RNF144A: variants seen among roughly 807,000 people sequenced by gnomAD.
RNF144A encodes E3 ubiquitin-protein ligase RNF144A.
In RNF144A, 11 loss-of-function variants were observed where a neutral mutation model predicts 38.7. The observed-to-expected ratio is 0.28, with a 90% CI of 0.18 to 0.47. The LOEUF (loss-of-function observed/expected upper bound fraction) is 0.47. Among genes scored for constraint, RNF144A ranks in the 20% least tolerant of loss-of-function variants. RNF144A has a pLI of 0.99. For synonymous variants in RNF144A, 149 were observed against 143.9 expected (o/e 1.04, Z -0.25); for missense variants, 316 against 377.2 (o/e 0.84, Z 1.34).
intron 3 of RNF144A, among the ~76,000 whole-genome samples, chr2:7,014,051 G>T (rs952914923): frequency 6.6e-6 from 1 of 152,192 alleles, no homozygotes; most frequent in South Asian, 2.1e-4. Flanking sequence ...TTGTAAAAAT[G>T]CTCTAAGGCT....
intron 2 of RNF144A, among the ~76,000 whole-genome samples, chr2:6,960,571 G>T (rs1351432485): frequency 6.6e-6 from 1 of 152,154 alleles, no homozygotes; most frequent in Non-Finnish European, 1.5e-5. Flanking sequence ...AATTAATCAC[G>T]ACTCGGAAGT....
intron 6 of RNF144A, among the ~76,000 whole-genome samples, chr2:7,050,307 C>G (rs763704548): frequency 6.6e-6 from 1 of 152,180 alleles, no homozygotes; most frequent in Non-Finnish European, 1.5e-5. Context: ...AATGGGAGTT[C>G]CCCTACGCAA....
rs1572464324 is a variant in RNF144A, at chr2:7,039,805, G to A, written c.*45G>A. 1.9e-6 allele frequency: 3 copies of A among 1,604,262 alleles called. No individual in the cohort carries two copies. Among genetic ancestry groups the A allele is most frequent in the Non-Finnish European group, 2.6e-6 (3 of 1,174,646 alleles). On this transcript the variant is annotated 3_prime_UTR_variant, in exon 9 of 9. Coordinates refer to ENST00000320892, the MANE Select transcript of RNF144A (RefSeq NM_014746.6). ...CACATCCCTGCCTCCGGGAAGTGTG[G>A]CTCTCCCCCAACCCTCCCCACCGTC... is the stretch of plus-strand genomic sequence containing the variant.
At chr2:6,988,974 A>C (rs147870337) in intron 2 of RNF144A, among the ~76,000 whole-genome samples, 28 of 151,782 alleles carry the variant, frequency 1.8e-4, no homozygotes, top group Non-Finnish European at 3.1e-4. Context: ...GTTGTCTCCT[A>C]TATTGTTTGG....
downstream of RNF144A, among the ~76,000 whole-genome samples, chr2:7,045,079 C>T (rs748115722): frequency 5.3e-5 from 8 of 152,322 alleles, no homozygotes; most frequent in South Asian, 2.1e-4. Context: ...TGTATGAGCT[C>T]GCTCTTGTAG....
chr2:6,938,866 T>G (rs1665775667), intron 1 of RNF144A, among the ~76,000 whole-genome samples: 1 of 152,210 alleles, frequency 6.6e-6, no homozygotes, highest in African/African-American at 2.4e-5. Flanking sequence ...CTCTCTCATC[T>G]GGCACAATGT....
intron 1 of RNF144A, chr2:6,932,971 T>G (rs1175136055): frequency 6.6e-6 from 1 of 152,228 alleles, no homozygotes; most frequent in Non-Finnish European, 1.5e-5. Flanking sequence ...ATACGATGCA[T>G]GCAAACAGAG....
At chr2:7,035,424 TCTG>T (rs754181261) in intron 8 of RNF144A, among the ~76,000 whole-genome samples, 1 of 152,208 alleles carries the variant, frequency 6.6e-6, no homozygotes, top group Non-Finnish European at 1.5e-5. Flanking sequence ...CATTTTCTGT[TCTG>T]CTCTGTTTAC....
intron 7 of RNF144A, 25 bp downstream of exon 7, chr2:7,024,541 T>C: frequency 1.3e-6 from 2 of 1,584,460 alleles, no homozygotes; most frequent in Non-Finnish European, 1.7e-6. Context: ...CAGCTTCACC[T>C]TGCGGCATTT....
chr2:6,970,049 C>T (rs561820059), intron 2 of RNF144A, among the ~76,000 whole-genome samples: 4 of 152,320 alleles, frequency 2.6e-5, no homozygotes, highest in East Asian at 1.9e-4. Flanking sequence ...CGTAAGCCAC[C>T]GCGCCTGGCC....
rs2103464760 is a variant in RNF144A at position 7,041,749 on chromosome 2, T to C, written c.*1989T>C. 1 of 985,648 alleles carries C rather than the reference T, an allele frequency of 1.0e-6. No individual in the cohort carries two copies. Among genetic ancestry groups the C allele is most frequent in the African/African-American group, 1.7e-5 (1 of 57,372 alleles). 61.1% of individuals were successfully genotyped at this position (985,648 alleles called of 1,614,324 possible). A position where few individuals can be genotyped will look rare whatever the true frequency, so the allele number is the denominator to read the frequency against. On this transcript the variant is annotated 3_prime_UTR_variant, in exon 9 of 9. Coordinates refer to ENST00000320892, the MANE Select transcript of RNF144A (RefSeq NM_014746.6). ...GCCCACAGGACACGCCTCCACCATA[T>C]GCTCATCCTTCCTGCCTGAAATTGC...
intron 2 of RNF144A, among the ~76,000 whole-genome samples, chr2:6,949,919 A>T (rs748119884): frequency 1.3e-5 from 2 of 152,164 alleles, no homozygotes; most frequent in Non-Finnish European, 2.9e-5. Context: ...TCTTTCCCAG[A>T]GAAAACCACT....
rs143770648 is a variant in RNF144A at position 6,984,079 on chromosome 2, C to T, written c.-11-12837C>T. 1.1e-4 allele frequency among the ~76,000 whole-genome samples: 16 copies of T among 152,260 alleles called. No individual in the cohort carries two copies. In the East Asian group the frequency reaches 2.7e-3, roughly 26 times the overall value. The stretch of plus-strand genomic sequence containing the variant: ...AGTGCTCTGCATTTTTCTGGTGCAT[C>T]GGGGTGCTCAGTGCACAGTCTCAGC... On this transcript the variant is annotated intron_variant, in intron 2 of 8. Coordinates refer to ENST00000320892, the MANE Select transcript of RNF144A (RefSeq NM_014746.6).
chr2:7,067,510 G>C (rs1467706825), intron 6 of RNF144A, among the ~76,000 whole-genome samples: 1 of 152,020 alleles, frequency 6.6e-6, no homozygotes, highest in Non-Finnish European at 1.5e-5. Context: ...CTGCCCTCTG[G>C]GCTCAGAAAC....
intron 3 of RNF144A, among the ~76,000 whole-genome samples, chr2:6,998,938 C>G (rs1464235661): frequency 6.6e-6 from 1 of 152,252 alleles, no homozygotes; most frequent in Non-Finnish European, 1.5e-5. Context: ...AGTCGCCTGC[C>G]TGCTGTCAGA....
At chr2:7,044,297 G>A, downstream of RNF144A, 1 of 673,860 alleles carries the variant, frequency 1.5e-6, no homozygotes, top group Non-Finnish European at 1.8e-6. Flanking sequence ...TTCAATGTGG[G>A]AACTGGGGGT....
chr2:7,031,310 G>A (rs570198611), intron 8 of RNF144A, among the ~76,000 whole-genome samples: 20 of 152,292 alleles, frequency 1.3e-4, no homozygotes, highest in African/African-American at 4.1e-4. Context: ...GTAGGAGCTG[G>A]AGATACAGTG....
chr2:6,956,353 G>A (rs1403182410), intron 2 of RNF144A, among the ~76,000 whole-genome samples: 1 of 152,314 alleles, frequency 6.6e-6, no homozygotes, highest in African/African-American at 2.4e-5. Flanking sequence ...AAATGGTTGT[G>A]AAGTAGCCCA....
At chr2:6,965,412 C>T (rs143817507) in intron 2 of RNF144A, among the ~76,000 whole-genome samples, 12 of 152,270 alleles carry the variant, frequency 7.9e-5, no homozygotes, top group Admixed American at 1.3e-4. Flanking sequence ...AGACCCCTCC[C>T]GTGTACGGAG....
Sources: gnomAD v4.1 joint callset for allele counts (sites outside exome capture counted in the v4.1 genomes callset) on GRCh38, gnomAD v4.1.1 for gene constraint, MANE v1.5 for transcripts, NCBI Gene and HGNC (gene_info 2026-07-23, HGNC 2026-07-21) for gene names.